The following OTOGL variants were observed in gnomAD, a reference collection of about 807,000 sequenced individuals.
OTOGL encodes otogelin-like protein.
In OTOGL, 285 loss-of-function variants were observed where a neutral mutation model predicts 318.5. The ratio of observed to expected loss-of-function variants is 0.89; its 90% CI spans 0.81 to 0.99. The LOEUF (loss-of-function observed/expected upper bound fraction) is 0.99, where lower values mean the gene tolerates loss of function less well. Ranked by LOEUF, OTOGL falls within the 50% of genes least tolerant of loss-of-function variation. The probability of loss-of-function intolerance (pLI) is 0.00; values close to 1 mark genes in which losing one functional copy is unlikely to be tolerated. For missense variants in OTOGL, 2,899 were observed against 2,845.6 expected (o/e 1.02, Z -0.43); for synonymous variants, 987 against 936.5 (o/e 1.05, Z -0.99).
intron 37 of OTOGL, among the ~76,000 whole-genome samples, chr12:80,331,108 C>A (rs548710984): frequency 9.9e-4 from 151 of 152,156 alleles, no homozygotes; most frequent in African/African-American, 2.5e-3. Flanking sequence ...GATAAGTTAA[C>A]CCTAAATTCA....
rs115648091 is a variant in OTOGL, at chr12:80,266,098, G to A, written c.2225-353G>A. 1.9e-3 allele frequency: 320 copies of A among 172,534 alleles called. 1 individual carries two copies. The highest frequency in any genetic ancestry group is 7.4e-3 in the African/African-American group (311 of 42,204). 10.7% of individuals were successfully genotyped at this position (172,534 alleles called of 1,614,324 possible). ...TGTGAATAAAATTTATTGAAATATAGTCATGCCCATTTGTCTGTGTGTTGT... is the reference window on the plus strand; with the variant it reads ...TGTGAATAAAATTTATTGAAATATAATCATGCCCATTTGTCTGTGTGTTGT... On this transcript the variant is annotated intron_variant, in intron 20 of 58. Transcript: ENST00000547103.
intron 1 of OTOGL, among the ~76,000 whole-genome samples, chr12:80,114,017 G>A (rs1870008832): frequency 1.3e-5 from 2 of 151,896 alleles, no homozygotes; most frequent in South Asian, 4.2e-4. Context: ...CTTTGCACGT[G>A]AGATGGGTCT....
intron 1 of OTOGL, among the ~76,000 whole-genome samples, chr12:80,107,526 T>C (rs1869525625): frequency 6.6e-6 from 1 of 152,202 alleles, no homozygotes; most frequent in Non-Finnish European, 1.5e-5. Flanking sequence ...TTAGCCATTG[T>C]AGAAAGCAGT....
chr12:80,217,320 G>T (rs556115754), intron 4 of OTOGL, among the ~76,000 whole-genome samples: 2 of 152,182 alleles, frequency 1.3e-5, no homozygotes, highest in South Asian at 4.1e-4. Flanking sequence ...GAGGGAGGAT[G>T]GGAAGTGAGA....
chr12:80,368,390 C>A lies in OTOGL; in HGVS notation c.6615+81C>A, dbSNP rs541700113. 263 of 881,104 alleles carry A rather than the reference C, an allele frequency of 3.0e-4. 2 individuals carry two copies. Among genetic ancestry groups the A allele is most frequent in the South Asian group, 1.8e-3 (115 of 63,884 alleles). The allele number at this position is 881,104 out of a possible 1,614,324, so 54.6% of individuals were successfully genotyped here. A position where few individuals can be genotyped will look rare whatever the true frequency, so the allele number is the denominator to read the frequency against. On this transcript the variant is annotated intron_variant, in intron 55 of 58. Transcript: ENST00000547103. ...GTCAAAGTTTGGAAAATGTCCCCCC[C>A]CACACACACTGCACTGCATACAATA...
intron 4 of OTOGL, among the ~76,000 whole-genome samples, chr12:80,216,135 C>T (rs1202968664): frequency 1.8e-4 from 28 of 151,972 alleles, no homozygotes; most frequent in Admixed American, 1.6e-3. Context: ...GGAAACACAG[C>T]GAGACCCCAT....
At chr12:80,142,028 G>C (rs1871978530) in intron 1 of OTOGL, among the ~76,000 whole-genome samples, 1 of 152,058 alleles carries the variant, frequency 6.6e-6, no homozygotes. Flanking sequence ...CTGAGATCAG[G>C]AGGGAGCTGT....
chr12:80,123,487 TA>T (rs1592470081), intron 1 of OTOGL, among the ~76,000 whole-genome samples: 1 of 152,180 alleles, frequency 6.6e-6, no homozygotes, highest in Admixed American at 6.5e-5. Context: ...AGTGCTGCAA[TA>T]AACATACGTG....
At position 80,328,685 on chromosome 12, in the gene OTOGL, A is replaced by C. The variant is rs748794232; in HGVS notation, c.4220A>C (p.Tyr1407Ser). The C allele has an allele frequency of 2.5e-6, 4 of 1,604,288 alleles. No individual in the cohort carries two copies. Residue 1407 changes from tyrosine to serine, a missense_variant, in exon 36 of 59, where the codon TAC (tyrosine) becomes TCC (serine). Physicochemically the swap from Tyr to Ser is moderately radical, Grantham distance 144. Transcript: ENST00000547103. ...TAAAGGGTTGAAGGATGCTTGCCCTACTGCCCTAAAAATATGATCCTTGAT... is the reference window on the plus strand; with the variant it reads ...TAAAGGGTTGAAGGATGCTTGCCCTCCTGCCCTAAAAATATGATCCTTGAT... Reference protein sequence around the residue: ...FLPPVEGCLPYCPKNMILDEV... With the variant: ...FLPPVEGCLPSCPKNMILDEV...
chr12:80,170,884 A>G (rs1191575674), intron 1 of OTOGL, among the ~76,000 whole-genome samples: 1 of 152,104 alleles, frequency 6.6e-6, no homozygotes, highest in African/African-American at 2.4e-5. Flanking sequence ...GCTGAAGTTT[A>G]ATTTATCAAT....
At chr12:80,274,341 T>C (rs1001127864) in intron 24 of OTOGL, among the ~76,000 whole-genome samples, 25 of 152,038 alleles carry the variant, frequency 1.6e-4, no homozygotes, top group African/African-American at 5.1e-4. Flanking sequence ...GAGAAAGTTT[T>C]AGTAGTCTGG....
chr12:80,374,235 T>C (rs951377631), intron 57 of OTOGL, among the ~76,000 whole-genome samples: 2 of 152,144 alleles, frequency 1.3e-5, no homozygotes, highest in African/African-American at 4.8e-5. Context: ...ACATGTTGTT[T>C]TTCCTGTATG....
chr12:80,348,896 T>C (rs1889369294), intron 44 of OTOGL, among the ~76,000 whole-genome samples: 1 of 152,194 alleles, frequency 6.6e-6, no homozygotes, highest in Admixed American at 6.5e-5. Flanking sequence ...TCTCTTCATC[T>C]TACTCAAAGG....
chr12:80,171,017 G>C (rs1874171913), intron 1 of OTOGL, among the ~76,000 whole-genome samples: 1 of 151,898 alleles, frequency 6.6e-6, no homozygotes, highest in South Asian at 2.1e-4. Flanking sequence ...TTACATTTAG[G>C]TCTATAATCC....
intron 1 of OTOGL, among the ~76,000 whole-genome samples, chr12:80,178,861 C>T (rs1353952585): frequency 6.6e-6 from 1 of 152,166 alleles, no homozygotes; most frequent in East Asian, 1.9e-4. Flanking sequence ...TTGAAAGCTA[C>T]TTCTCACTGC....
intron 30 of OTOGL, among the ~76,000 whole-genome samples, chr12:80,312,562 A>G (rs1214390774): frequency 2.0e-5 from 3 of 152,168 alleles, no homozygotes; most frequent in Non-Finnish European, 4.4e-5. Context: ...TCTGAGACAG[A>G]AAAGTTTGAG....
At chr12:80,101,458 A>G (rs1044916346) in intron 1 of OTOGL, among the ~76,000 whole-genome samples, 7 of 152,320 alleles carry the variant, frequency 4.6e-5, no homozygotes, top group Admixed American at 1.3e-4. Context: ...CAAAAATGGA[A>G]GGTTGAGTGG....
chr12:80,358,323 A>G lies in OTOGL; in HGVS notation c.6095A>G (p.His2032Arg). Reference sequence around the variant, plus strand: ...CTCACAGTAGATCTTAATAGCACACACTTCTGTTGTCCTCAGTATTACTGT... The same window carrying G: ...CTCACAGTAGATCTTAATAGCACACGCTTCTGTTGTCCTCAGTATTACTGT... ...EFLTVDLNST[H>R]FCCPQYYCVC... The change falls in exon 50 of 59, where the codon CAC (histidine) becomes CGC (arginine). Residue 2032 changes from histidine to arginine, a missense_variant. By Grantham distance (29) the His-to-Arg change is conservative. Coordinates refer to ENST00000547103, the MANE Select transcript of OTOGL (RefSeq NM_001378609.3). The G allele has an allele frequency of 2.5e-6, 4 of 1,605,164 alleles. No homozygotes were observed. Among genetic ancestry groups the G allele is most frequent in the Non-Finnish European group, 3.4e-6 (4 of 1,173,080 alleles).
chr12:80,286,986 A>G (rs1252921680), intron 26 of OTOGL, among the ~76,000 whole-genome samples: 1 of 152,048 alleles, frequency 6.6e-6, no homozygotes, highest in African/African-American at 2.4e-5. Context: ...TAGGGTATCA[A>G]TTGTAGATCA....
Sources: gnomAD v4.1 joint callset for allele counts (sites outside exome capture counted in the v4.1 genomes callset) on GRCh38, gnomAD v4.1.1 for gene constraint, MANE v1.5 for transcripts, NCBI Gene and HGNC (gene_info 2026-07-23, HGNC 2026-07-21) for gene names.